PWWP2A: variants seen among roughly 807,000 people sequenced by gnomAD.
The protein encoded by PWWP2A is PWWP domain-containing protein 2A.
PWWP2A carries 18 observed loss-of-function variants against 48.5 expected under a neutral mutation model. The observed-to-expected ratio is 0.37, with a 90% CI of 0.26 to 0.55. The LOEUF is 0.55. Among genes scored for constraint, PWWP2A ranks in the 20% least tolerant of loss-of-function variants. PWWP2A has a pLI of 0.81. For synonymous variants in PWWP2A, 396 were observed against 387.7 expected (o/e 1.02, Z -0.25); for missense variants, 867 against 976.4 (o/e 0.89, Z 1.49).
downstream of PWWP2A, chr5:160,089,858 G>A (rs1754929824): frequency 1.0e-6 from 1 of 985,148 alleles, no homozygotes; most frequent in Admixed American, 6.2e-5. Flanking sequence ...TCATTTCAAA[G>A]AGAAATATAA....
At chr5:160,117,418 G>A (rs1261260708) in intron 1 of PWWP2A, among the ~76,000 whole-genome samples, 7 of 152,264 alleles carry the variant, frequency 4.6e-5, no homozygotes, top group Non-Finnish European at 1.0e-4. Flanking sequence ...CCTTTGGGAG[G>A]CTGAGGCGGG....
At chr5:160,047,693 C>G in the PWWP2A span, among the ~76,000 whole-genome samples, 1 of 152,114 alleles carries the variant, frequency 6.6e-6, no homozygotes, top group Non-Finnish European at 1.5e-5. Context: ...CTCCATGGCC[C>G]TACATTTCAG....
At chr5:160,073,388 C>T (rs1013763663), downstream of PWWP2A, among the ~76,000 whole-genome samples, 14 of 151,838 alleles carry the variant, frequency 9.2e-5, no homozygotes, top group Admixed American at 3.9e-4. Flanking sequence ...ACCACCACGC[C>T]CGGCTAATTT....
intron 1 of PWWP2A, among the ~76,000 whole-genome samples, chr5:160,102,365 T>C (rs1439114422): frequency 8.1e-6 from 1 of 123,396 alleles, no homozygotes; most frequent in Non-Finnish European, 1.6e-5. Flanking sequence ...GCCACTGCAC[T>C]CCAGCCTGGG....
chr5:160,080,561 C>A (rs922210339), intron 3 of PWWP2A: 11 of 1,208,676 alleles, frequency 9.1e-6, no homozygotes, highest in East Asian at 6.0e-5. Flanking sequence ...CTAATGAATT[C>A]TTTTAAGTCT....
downstream of PWWP2A, among the ~76,000 whole-genome samples, chr5:160,071,102 TC>T (rs928710048): frequency 1.3e-5 from 2 of 152,028 alleles, no homozygotes; most frequent in African/African-American, 4.8e-5. Flanking sequence ...GGTGGGAGGA[TC>T]ACCAGAGCCC....
Position 160,119,292 on chromosome 5 carries a change from T to C in PWWP2A, c.97A>G (p.Ser33Gly). Residue 33 changes from serine to glycine, a missense_variant, in exon 1 of 2, where the codon AGT (serine) becomes GGT (glycine). Ser to Gly is a moderately conservative substitution (Grantham distance 56). Coordinates refer to ENST00000307063, the MANE Select transcript of PWWP2A (RefSeq NM_001130864.2). ...AEPEMEPIPG[S>G]EAGTDPLPVT... ...GGGAGGGGGTCAGTGCCGGCCTCAC[T>C]GCCGGGGATGGGCTCCATCTCCGGC... The C allele has an allele frequency of 7.3e-7, 1 of 1,377,702 alleles. No homozygotes were observed. Among genetic ancestry groups the C allele is most frequent in the Non-Finnish European group, 9.3e-7 (1 of 1,072,896 alleles). The allele number at this position is 1,377,702 out of a possible 1,614,324, so 85.3% of individuals were successfully genotyped here. A position where few individuals can be genotyped will look rare whatever the true frequency, so the allele number is the denominator to read the frequency against.
downstream of PWWP2A, chr5:160,089,984 G>C: frequency 1.0e-6 from 1 of 984,784 alleles, no homozygotes; most frequent in Non-Finnish European, 1.2e-6. Context: ...TTAGAGTTTA[G>C]AATACACATT....
In PWWP2A at chr5:160,119,373, C is replaced by T. The variant is rs1466738209; in HGVS notation, c.16G>A (p.Ala6Thr). Reference protein sequence around the residue: MAAVAAEAAATAASPG... With the variant: MAAVATEAAATAASPG... ...GACGCTGCAGTCGCTGCCGCCTCTG[C>T]AGCCACGGCCGCCATTTTCTTCCTA... The change falls in exon 1 of 2, where the codon GCA (alanine) becomes ACA (threonine). Residue 6 changes from alanine (A) to threonine (T), a missense_variant. Transcript: ENST00000307063. 5.8e-6 allele frequency: 8 copies of T among 1,369,860 alleles called. No homozygotes were observed. The highest frequency in any genetic ancestry group is 7.8e-5 in the Admixed American group (2 of 25,498). The allele number at this position is 1,369,860 out of a possible 1,614,324, so 84.9% of individuals were successfully genotyped here.
Position 160,093,252 on chromosome 5 carries a change from G to T in PWWP2A, c.1398C>A (p.Ser466Arg), listed in dbSNP as rs181439455. 24 of 1,614,036 alleles carry T rather than the reference G, an allele frequency of 1.5e-5. No homozygotes were observed. In the East Asian group the frequency reaches 5.3e-4, roughly 36 times the overall value. The change falls in exon 2 of 2, where the codon AGC becomes AGA. Residue 466 changes from serine (S) to arginine (R), a missense_variant. This residue lies in a region of PWWP2A where 382 missense variants were observed against 407.2 expected (regional missense o/e 0.94). Coordinates refer to ENST00000307063, the MANE Select transcript of PWWP2A (RefSeq NM_001130864.2). The surrounding 1 kb of genome is among the most constrained non-coding windows in gnomAD (Gnocchi z 5.8). ...GAACCCGGGGTGGAAGGGAACCTGA[G>T]CTAGGATTCTGATATCGACGTGTGA... ...VHFTRRYQNP[S>R]SGSLPPRVRL...
intron 1 of PWWP2A, among the ~76,000 whole-genome samples, chr5:160,094,648 A>T (rs1755424218): frequency 6.6e-6 from 1 of 152,102 alleles, no homozygotes; most frequent in African/African-American, 2.4e-5. Context: ...AATATCAAGA[A>T]CTCAGATACT....
At chr5:160,051,258 A>T in the PWWP2A span, 1 of 1,192,860 alleles carries the variant, frequency 8.4e-7, no homozygotes, top group Non-Finnish European at 1.2e-6. Flanking sequence ...ATACTAGAGG[A>T]GAACACATGA....
intron 1 of PWWP2A, among the ~76,000 whole-genome samples, chr5:160,099,759 C>T (rs1288973491): frequency 1.3e-5 from 2 of 151,354 alleles, no homozygotes; most frequent in African/African-American, 4.9e-5. Context: ...CTCACTGCAA[C>T]CTCCACCTCC....
At chr5:160,090,805 A>C, downstream of PWWP2A, 12 of 980,124 alleles carry the variant, frequency 1.2e-5, no homozygotes, top group Non-Finnish European at 1.3e-5. Flanking sequence ...TTAAGACACA[A>C]AGTATGAAAG....
At chr5:160,054,806 G>A in the PWWP2A span, among the ~76,000 whole-genome samples, 4 of 152,176 alleles carry the variant, frequency 2.6e-5, no homozygotes, top group Admixed American at 6.6e-5. Flanking sequence ...AAGCCTTTAT[G>A]GGTATATTTC....
chr5:160,079,361 C>A (rs563099689), intron 3 of PWWP2A, among the ~76,000 whole-genome samples: 16 of 151,520 alleles, frequency 1.1e-4, no homozygotes, highest in Middle Eastern at 3.4e-3. Context: ...TGTTTCTCCT[C>A]AAGCAATGAA....
At chr5:160,095,841 C>A (rs1240501335) in intron 1 of PWWP2A, among the ~76,000 whole-genome samples, 1 of 151,950 alleles carries the variant, frequency 6.6e-6, no homozygotes, top group Non-Finnish European at 1.5e-5. Flanking sequence ...ACCACAGACA[C>A]ACGTCACCAT....
At chr5:160,086,933 T>C (rs1014066464), downstream of PWWP2A, among the ~76,000 whole-genome samples, 5 of 152,224 alleles carry the variant, frequency 3.3e-5, no homozygotes, top group African/African-American at 1.2e-4. Flanking sequence ...TTTCCACTTT[T>C]TATGTCAGTA....
downstream of PWWP2A, among the ~76,000 whole-genome samples, chr5:160,061,515 T>C (rs1753397628): frequency 6.6e-6 from 1 of 152,230 alleles, no homozygotes; most frequent in African/African-American, 2.4e-5. Context: ...AATTAGTACA[T>C]GTTGGTTGAA....
Sources: gnomAD v4.1 joint callset for allele counts (sites outside exome capture counted in the v4.1 genomes callset) on GRCh38, gnomAD v4.1.1 for gene constraint, gnomAD v4.1.1 regional missense constraint, Gnocchi (gnomAD v3.1) non-coding constraint, MANE v1.5 for transcripts, NCBI Gene and HGNC (gene_info 2026-07-23, HGNC 2026-07-21) for gene names.